Variants in CDH4 observed in about 807,000 individuals in gnomAD.
CDH4 encodes the protein cadherin 4.
CDH4 carries 33 observed loss-of-function variants against 86.0 expected under a neutral mutation model. The observed-to-expected ratio is 0.38, with a 90% confidence interval of 0.29 to 0.51. The LOEUF is 0.51. CDH4 is among the 20% of genes least tolerant of loss of function. The pLI, the probability that CDH4 is intolerant of heterozygous loss-of-function variation, is 0.86. For synonymous variants in CDH4, 555 were observed against 549.4 expected (o/e 1.01, Z -0.14); for missense variants, 1,114 against 1,307.4 (o/e 0.85, Z 2.28).
chr20:61,532,172 C>T (rs571211169), intron 2 of CDH4, among the ~76,000 whole-genome samples: 1 of 152,350 alleles, frequency 6.6e-6, no homozygotes, highest in East Asian at 1.9e-4. Flanking sequence ...CCCCAATCGC[C>T]TGCAGGGCAT....
At chr20:61,620,170 A>ACAGATGGGTGGGTGGG (rs1352143303) in intron 2 of CDH4, among the ~76,000 whole-genome samples, 2 of 54,480 alleles carry the variant, frequency 3.7e-5, no homozygotes, top group Non-Finnish European at 4.7e-5. Context: ...GGATGGATGG[A>ACAGATGGGTGGGTGGG]TGGATGGGTG....
At chr20:61,359,823 G>A (rs989230107) in intron 2 of CDH4, among the ~76,000 whole-genome samples, 10 of 152,192 alleles carry the variant, frequency 6.6e-5, no homozygotes, top group African/African-American at 2.4e-4. Flanking sequence ...CGAGATGGCA[G>A]TTTAAAGAGA....
At chr20:61,562,109 C>T (rs1471347917) in intron 2 of CDH4, among the ~76,000 whole-genome samples, 1 of 75,704 alleles carries the variant, frequency 1.3e-5, no homozygotes, top group African/African-American at 6.6e-5. Flanking sequence ...CCAGGGCTCC[C>T]GGAGAGAGGG....
chr20:61,565,405 C>CTT lies in CDH4; in HGVS notation c.170-178158_170-178157insTT, dbSNP rs60747414. 2.5e-3 allele frequency among the ~76,000 whole-genome samples: 52 copies of CTT among 21,006 alleles called. 12 individuals are homozygous for CTT. The East Asian group carries it at 0.051, about 21-fold the overall frequency. The allele number at this position is 21,006 out of a possible 152,430, so 13.8% of individuals were successfully genotyped here. On this transcript the variant is annotated intron_variant, in intron 2 of 15. Transcript: ENST00000614565. ...CTTGGTGATGGGGTGATGGTGGTGG[C>CTT]GGTGCTCTTGCTATTGTTGTTGCTG...
intron 2 of CDH4, among the ~76,000 whole-genome samples, chr20:61,557,650 C>A (rs1031148528): frequency 6.6e-6 from 1 of 152,164 alleles, no homozygotes; most frequent in African/African-American, 2.4e-5. Flanking sequence ...TGCTCCAAAT[C>A]GCATCTTTGT....
In CDH4 at chr20:61,544,647, C is replaced by T. The variant is rs1047882566; in HGVS notation, c.170-198916C>T. Among the ~76,000 whole-genome samples, 11 of 152,184 alleles carry T rather than the reference C, an allele frequency of 7.2e-5. No homozygotes were observed. The highest frequency in any genetic ancestry group is 2.6e-4 in the African/African-American group (11 of 41,552). On this transcript the variant is annotated intron_variant, in intron 2 of 15. Transcript: ENST00000614565. This position sits in a 1 kb window ranked among gnomAD's most constrained non-coding sequence, Gnocchi z 6.5. The stretch of plus-strand genomic sequence containing the variant: ...GCCCACCAGACCCCACGCTGCTCTA[C>T]TCCGCACCGGCCCCCCTGCCTGTAC...
chr20:61,304,762 TG>T (rs1568790072), intron 2 of CDH4, among the ~76,000 whole-genome samples: 1 of 146,434 alleles, frequency 6.8e-6, no homozygotes, highest in Non-Finnish European at 1.5e-5. Context: ...GTGTGCATGT[TG>T]TGTGTGTGGG....
At chr20:61,479,142 C>T (rs928616588) in intron 2 of CDH4, among the ~76,000 whole-genome samples, 1 of 151,656 alleles carries the variant, frequency 6.6e-6, no homozygotes, top group African/African-American at 2.4e-5. Flanking sequence ...CTCCTGGCTG[C>T]GTTTAAGATT....
intron 2 of CDH4, among the ~76,000 whole-genome samples, chr20:61,366,549 A>G (rs1342478766): frequency 6.6e-6 from 1 of 152,250 alleles, no homozygotes; most frequent in African/African-American, 2.4e-5. Context: ...AGTCATTAGC[A>G]TTGTTTCTAT....
intron 2 of CDH4, among the ~76,000 whole-genome samples, chr20:61,742,707 C>T (rs866930968): frequency 2.6e-5 from 4 of 152,134 alleles, no homozygotes; most frequent in Admixed American, 6.5e-5. Flanking sequence ...CAAAAGCACA[C>T]GTCTAAAAAA....
intron 2 of CDH4, among the ~76,000 whole-genome samples, chr20:61,408,228 A>C (rs1435669237): frequency 6.6e-6 from 1 of 152,102 alleles, no homozygotes; most frequent in African/African-American, 2.4e-5. Flanking sequence ...CGAACTCCTT[A>C]ACTTCATCAT....
intron 2 of CDH4, among the ~76,000 whole-genome samples, chr20:61,735,397 T>C (rs1438175520): frequency 6.6e-6 from 1 of 152,150 alleles, no homozygotes; most frequent in Non-Finnish European, 1.5e-5. Flanking sequence ...TGGTCCCCAT[T>C]AGTGCTCACT....
chr20:61,552,749 C>T (rs970438116), intron 2 of CDH4, among the ~76,000 whole-genome samples: 1 of 151,946 alleles, frequency 6.6e-6, no homozygotes, highest in Non-Finnish European at 1.5e-5. Context: ...TGAGATTACA[C>T]ACCCACTAGG....
chr20:61,310,436 T>A (rs1021137273), intron 2 of CDH4, among the ~76,000 whole-genome samples: 1 of 152,106 alleles, frequency 6.6e-6, no homozygotes, highest in African/African-American at 2.4e-5. Flanking sequence ...CCACCTCAGA[T>A]CATCAGGCAT....
At chr20:61,546,479 A>G (rs1374356457) in intron 2 of CDH4, among the ~76,000 whole-genome samples, 2 of 151,540 alleles carry the variant, frequency 1.3e-5, no homozygotes, top group African/African-American at 2.4e-5. Flanking sequence ...GGATCCAGTG[A>G]CTCGCAACAT....
intron 2 of CDH4, among the ~76,000 whole-genome samples, chr20:61,489,830 C>T (rs1384858952): frequency 2.0e-5 from 3 of 152,250 alleles, no homozygotes; most frequent in Non-Finnish European, 4.4e-5. Context: ...TCCTAAACCA[C>T]TGTGCTGGCC....
intron 2 of CDH4, among the ~76,000 whole-genome samples, chr20:61,564,720 CAT>C (rs890757846): frequency 5.9e-5 from 9 of 152,148 alleles, no homozygotes; most frequent in Non-Finnish European, 8.8e-5. Flanking sequence ...CGGAGTAACA[CAT>C]GTAGATAACC....
intron 4 of CDH4, among the ~76,000 whole-genome samples, chr20:61,802,077 G>A (rs1049013104): frequency 1.3e-5 from 2 of 152,168 alleles, no homozygotes; most frequent in African/African-American, 4.8e-5. Context: ...CCCTTTGTCC[G>A]GCAATGTCCT....
At chr20:61,465,494 T>C (rs928790176) in intron 2 of CDH4, among the ~76,000 whole-genome samples, 2 of 152,230 alleles carry the variant, frequency 1.3e-5, no homozygotes. Flanking sequence ...AGATTGTTCT[T>C]GGTGTGGTGA....
Sources: gnomAD v4.1 joint callset for allele counts (sites outside exome capture counted in the v4.1 genomes callset) on GRCh38, gnomAD v4.1.1 for gene constraint, Gnocchi (gnomAD v3.1) non-coding constraint, MANE v1.5 for transcripts, NCBI Gene and HGNC (gene_info 2026-07-23, HGNC 2026-07-21) for gene names.